MACROD2: variants seen among roughly 807,000 people sequenced by gnomAD.
MACROD2 encodes the protein ADP-ribose glycohydrolase MACROD2.
A neutral mutation model predicts 70.4 loss-of-function variants in MACROD2; 36 were observed. That is an observed-to-expected ratio of 0.51 (90% CI 0.39 to 0.68). MACROD2 has a LOEUF of 0.68. Among genes scored for constraint, MACROD2 ranks in the 30% least tolerant of loss-of-function variants. The pLI is 0.00. For synonymous variants in MACROD2, 172 were observed against 178.8 expected (o/e 0.96, Z 0.30); for missense variants, 496 against 538.4 (o/e 0.92, Z 0.78).
intron 5 of MACROD2, among the ~76,000 whole-genome samples, chr20:15,159,469 T>C (rs1333032970): frequency 6.6e-6 from 1 of 152,110 alleles, no homozygotes; most frequent in African/African-American, 2.4e-5. Flanking sequence ...ACTAGAGTGA[T>C]TGAAATATAC....
intron 6 of MACROD2, among the ~76,000 whole-genome samples, chr20:15,430,408 A>G (rs1266359069): frequency 3.3e-5 from 5 of 152,054 alleles, no homozygotes; most frequent in African/African-American, 7.2e-5. Flanking sequence ...ATTCCCACCA[A>G]TAGTCCACAA....
At chr20:15,894,751 G>A (rs753960273) in intron 10 of MACROD2, among the ~76,000 whole-genome samples, 13 of 152,218 alleles carry the variant, frequency 8.5e-5, no homozygotes, top group Admixed American at 2.0e-4. Flanking sequence ...CATGGCCATC[G>A]TAGATTATGC....
chr20:15,923,071 C>T (rs184371969), intron 10 of MACROD2, among the ~76,000 whole-genome samples: 39 of 152,228 alleles, frequency 2.6e-4, no homozygotes, highest in East Asian at 2.5e-3. Context: ...ATAAAGTGGG[C>T]GTTCATAGCC....
At chr20:14,044,060 T>C (rs2053431412) in intron 2 of MACROD2, among the ~76,000 whole-genome samples, 2 of 152,222 alleles carry the variant, frequency 1.3e-5, no homozygotes, top group African/African-American at 4.8e-5. Context: ...ACTTCAAGAA[T>C]GAAGCCACAG....
At chr20:14,795,260 CTG>C (rs1389796502) in intron 5 of MACROD2, among the ~76,000 whole-genome samples, 1 of 152,080 alleles carries the variant, frequency 6.6e-6, no homozygotes, top group Non-Finnish European at 1.5e-5. Context: ...AAAAGTCACT[CTG>C]TTGACTGCAG....
intron 4 of MACROD2, among the ~76,000 whole-genome samples, chr20:14,529,113 G>C (rs1333943499): frequency 6.6e-6 from 1 of 152,134 alleles, no homozygotes; most frequent in Non-Finnish European, 1.5e-5. Flanking sequence ...GGAGCTATTA[G>C]GTAGGTTGCC....
chr20:14,897,070 G>A (rs541643967), intron 5 of MACROD2, among the ~76,000 whole-genome samples: 2 of 152,260 alleles, frequency 1.3e-5, no homozygotes, highest in East Asian at 1.9e-4. Flanking sequence ...CACAGAGCCT[G>A]GAGTTCCTGC....
In MACROD2 at chr20:15,480,811, T is replaced by G. The variant is rs368823817; in HGVS notation, c.572-18963T>G. ...TTGATACCATCTTTTTGGAATGACG[T>G]TGTCCCTCCATGACTGTGGTTAGCT... On this transcript the variant is annotated intron_variant, in intron 7 of 17. Transcript: ENST00000684519. Among the ~76,000 whole-genome samples, 4 of 152,178 alleles carry G rather than the reference T, an allele frequency of 2.6e-5. No individual in the cohort carries two copies. The East Asian group carries it at 5.8e-4, about 22-fold the overall frequency.
At chr20:14,730,862 T>G (rs552506587) in intron 5 of MACROD2, among the ~76,000 whole-genome samples, 18 of 152,234 alleles carry the variant, frequency 1.2e-4, no homozygotes, top group African/African-American at 4.3e-4. Flanking sequence ...AAGATCTTTC[T>G]ATTATTCCAG....
At chr20:15,405,998 C>G (rs1415134141) in intron 6 of MACROD2, among the ~76,000 whole-genome samples, 1 of 152,178 alleles carries the variant, frequency 6.6e-6, no homozygotes, top group Non-Finnish European at 1.5e-5. Context: ...TGATGATCAG[C>G]TGAGTGAGTG....
chr20:15,243,722 T>G (rs1447122105), intron 6 of MACROD2, among the ~76,000 whole-genome samples: 1 of 151,786 alleles, frequency 6.6e-6, no homozygotes, highest in African/African-American at 2.4e-5. Context: ...GAGACCATCC[T>G]GGCTAACACG....
intron 10 of MACROD2, among the ~76,000 whole-genome samples, chr20:15,912,521 G>A (rs1227956996): frequency 1.3e-5 from 2 of 152,208 alleles, no homozygotes; most frequent in African/African-American, 2.4e-5. Flanking sequence ...GTTCTTAGGA[G>A]GCTGAACCCT....
intron 8 of MACROD2, among the ~76,000 whole-genome samples, chr20:15,509,322 G>A (rs1207219728): frequency 6.6e-6 from 1 of 152,098 alleles, no homozygotes; most frequent in Non-Finnish European, 1.5e-5. Flanking sequence ...CCTGGAGGTA[G>A]GAAACACACA....
intron 5 of MACROD2, among the ~76,000 whole-genome samples, chr20:14,829,793 A>G (rs997938539): frequency 1.3e-5 from 2 of 152,162 alleles, no homozygotes; most frequent in Non-Finnish European, 2.9e-5. Context: ...CATTGAATCA[A>G]TTATTTTATT....
At chr20:15,632,165 C>CA (rs534511029) in intron 8 of MACROD2, among the ~76,000 whole-genome samples, 2,665 of 135,466 alleles carry the variant, frequency 0.02, 66 homozygotes, top group African/African-American at 0.057. Context: ...AACTCTTACT[C>CA]AAAAAAAAAA....
chr20:15,247,163 C>A lies in MACROD2; in HGVS notation c.540+17102C>A, dbSNP rs562766828. ...AATATACTAAGAACACTGATTTGCA[C>A]ACTGTTAAATGGCAAATTTTATGGT... On this transcript the variant is annotated intron_variant, in intron 6 of 17. Transcript: ENST00000684519. Among the ~76,000 whole-genome samples the A allele has an allele frequency of 3.5e-4, 53 of 152,270 alleles. No individual in the cohort carries two copies. In the South Asian group the frequency reaches 9.3e-3, roughly 27 times the overall value.
At chr20:14,792,113 T>A (rs186807385) in intron 5 of MACROD2, among the ~76,000 whole-genome samples, 1 of 152,176 alleles carries the variant, frequency 6.6e-6, no homozygotes, top group East Asian at 1.9e-4. Flanking sequence ...TTGCCTCATA[T>A]CATGTATCAT....
intron 3 of MACROD2, among the ~76,000 whole-genome samples, chr20:14,331,271 C>T (rs1166199241): frequency 6.6e-6 from 1 of 152,086 alleles, no homozygotes; most frequent in African/African-American, 2.4e-5. Flanking sequence ...AAGGCTCTAA[C>T]AATATGTATT....
At chr20:15,861,532 A>C (rs1413514942) in intron 8 of MACROD2, among the ~76,000 whole-genome samples, 1 of 152,178 alleles carries the variant, frequency 6.6e-6, no homozygotes, top group East Asian at 1.9e-4. Flanking sequence ...CATCCTTTGA[A>C]GGCAGTTATA....
Sources: allele counts gnomAD v4.1 joint callset (sites outside exome capture counted in the v4.1 genomes callset), GRCh38; gene constraint gnomAD v4.1.1; transcripts MANE v1.5; gene names NCBI Gene and HGNC (gene_info 2026-07-23, HGNC 2026-07-21).